Variants in HPS3 observed in about 807,000 individuals in gnomAD.
HPS3 encodes the protein BLOC-2 complex member HPS3.
HPS3 carries 79 observed loss-of-function variants against 110.9 expected under a neutral mutation model. The ratio of observed to expected loss-of-function variants is 0.71; its 90% confidence interval spans 0.59 to 0.86. The LOEUF is 0.86. Among genes scored for constraint, HPS3 ranks in the 40% least tolerant of loss-of-function variants. HPS3 has a pLI of 0.00. For missense variants in HPS3, 1,197 were observed against 1,206.2 expected (o/e 0.99, Z 0.11); for synonymous variants, 428 against 451.0 (o/e 0.95, Z 0.65).
chr3:149,135,737 G>A (rs1318589290), intron 1 of HPS3, among the ~76,000 whole-genome samples: 1 of 152,098 alleles, frequency 6.6e-6, no homozygotes, highest in African/African-American at 2.4e-5. Context: ...AGTGCTGTAT[G>A]GGGACCTTTG....
intron 14 of HPS3, among the ~76,000 whole-genome samples, chr3:149,164,864 A>C (rs1238965688): frequency 2.0e-5 from 3 of 152,146 alleles, no homozygotes; most frequent in African/African-American, 7.2e-5. Context: ...ATGCATCTTC[A>C]TCATTTGATT....
chr3:149,172,273 A>G lies in HPS3; in HGVS notation c.*51A>G. 1.3e-6 allele frequency: 2 copies of G among 1,522,396 alleles called. No homozygotes were observed. The highest frequency in any genetic ancestry group is 2.3e-5 in the South Asian group (2 of 88,190). The allele number at this position is 1,522,396 out of a possible 1,614,324, so 94.3% of individuals were successfully genotyped here. On this transcript the variant is annotated 3_prime_UTR_variant, in exon 17 of 17. Coordinates refer to ENST00000296051, the MANE Select transcript of HPS3 (RefSeq NM_032383.5). ...TGGCATTTGAGACTGAATTTCTAAA[A>G]ATTGAATGCCAAAGTACAAGTAGAG...
chr3:149,137,625 A>T (rs918992628), intron 1 of HPS3, among the ~76,000 whole-genome samples: 1 of 152,252 alleles, frequency 6.6e-6, no homozygotes, highest in Non-Finnish European at 1.5e-5. Context: ...ATGAACATAC[A>T]ATAGAGTATT....
rs760546363 is a variant in HPS3 at position 149,140,446 on chromosome 3, A to G, written c.660A>G (p.Arg220=). The G allele has an allele frequency of 2.5e-6, 4 of 1,613,070 alleles. No individual in the cohort carries two copies. In the Admixed American group the frequency reaches 6.7e-5, roughly 27 times the overall value. Residue 220 remains arginine (R), a synonymous_variant, in exon 2 of 17, where the codon AGA becomes AGG. Coordinates refer to ENST00000296051, the MANE Select transcript of HPS3 (RefSeq NM_032383.5). ...AGTCAGGCCCTAAAAATGGAGAGAG[A>G]GTTCACCACCATCCACATAAGACCA... ...KLESGPKNGE[R]VHHHPHKTNN...
intron 5 of HPS3, among the ~76,000 whole-genome samples, chr3:149,148,464 G>A (rs2681077): frequency 0.21 from 31,233 of 145,872 alleles, 3,557 homozygotes; most frequent in South Asian, 0.3. Context: ...GTGCAGTGGC[G>A]TGATCTCAGC....
chr3:149,161,508 CTTTTT>C (rs1203449055), intron 11 of HPS3, among the ~76,000 whole-genome samples: 2 of 104,304 alleles, frequency 1.9e-5, no homozygotes, highest in Non-Finnish European at 3.8e-5. Context: ...CCCCCACACC[CTTTTT>C]TTTTTTTTTT....
At chr3:149,132,439 G>A (rs1050912346) in intron 1 of HPS3, among the ~76,000 whole-genome samples, 1 of 152,096 alleles carries the variant, frequency 6.6e-6, no homozygotes, top group African/African-American at 2.4e-5. Flanking sequence ...AAAAAGCCTG[G>A]GTGACAGCAC....
At chr3:149,134,304 A>G (rs1224771653) in intron 1 of HPS3, among the ~76,000 whole-genome samples, 1 of 152,190 alleles carries the variant, frequency 6.6e-6, no homozygotes. Context: ...TTAAGGCATA[A>G]GAGTTCTCAC....
Position 149,155,109 on chromosome 3 carries a change from C to T in HPS3, c.1403C>T (p.Ser468Leu), listed in dbSNP as rs371551313. 204 of 1,570,338 alleles carry T rather than the reference C, an allele frequency of 1.3e-4. 3 individuals are homozygous for T. The South Asian group carries it at 1.5e-3, about 12-fold the overall frequency. The part of the protein sequence containing the change: ...ERRQSPKRLL[S>L]RKDTSVKIKI... ...CTTGTCCTTTGTTTTGCTTTTAGTTCGAGAAAAGATACCAGTGTTAAAATC... is the reference window on the plus strand; with the variant it reads ...CTTGTCCTTTGTTTTGCTTTTAGTTTGAGAAAAGATACCAGTGTTAAAATC... Residue 468 changes from serine to leucine, a missense_variant and splice_region_variant, in exon 8 of 17, where the codon TCG (serine) becomes TTG (leucine). Transcript: ENST00000296051.
intron 6 of HPS3, among the ~76,000 whole-genome samples, chr3:149,151,173 G>A (rs917586232): frequency 6.8e-6 from 1 of 146,162 alleles, no homozygotes; most frequent in African/African-American, 2.5e-5. Flanking sequence ...ATGCCCTGCT[G>A]ATTCTTTTTG....
chr3:149,131,392 A>T (rs769942723), intron 1 of HPS3, among the ~76,000 whole-genome samples: 2 of 152,098 alleles, frequency 1.3e-5, no homozygotes, highest in Admixed American at 1.3e-4. Context: ...TTCACACTGC[A>T]TGTGCTCACT....
intron 14 of HPS3, chr3:149,166,046 A>G (rs766707204): frequency 5.5e-5 from 25 of 456,086 alleles, no homozygotes; most frequent in Admixed American, 1.9e-4. Context: ...GAGTCTCAGA[A>G]GATGCTGTAG....
chr3:149,149,120 ATTTTTTTTT>A (rs777091621), intron 5 of HPS3, among the ~76,000 whole-genome samples: 1 of 136,562 alleles, frequency 7.3e-6, no homozygotes, highest in Non-Finnish European at 1.6e-5. Context: ...CGCCCAGCTA[ATTTTTTTTT>A]TTTTTTTGTA....
At chr3:149,138,370 TTAATA>T (rs1359491234) in intron 1 of HPS3, among the ~76,000 whole-genome samples, 2 of 152,218 alleles carry the variant, frequency 1.3e-5, no homozygotes, top group Admixed American at 6.5e-5. Context: ...CTTAATAGTG[TTAATA>T]TAATAGAGTC....
At position 149,160,036 on chromosome 3, in the gene HPS3, C is replaced by G. The variant is rs776575007; in HGVS notation, c.1873-10C>G. On this transcript the variant is annotated splice_polypyrimidine_tract_variant and intron_variant, in intron 10 of 16. Coordinates refer to ENST00000296051, the MANE Select transcript of HPS3 (RefSeq NM_032383.5). Reference sequence around the variant, plus strand: ...CTTTTATTCCTTTTATTCCTTCGTGCTCACCAAAGGAATTAGCAGCAAAAG... The same window carrying G: ...CTTTTATTCCTTTTATTCCTTCGTGGTCACCAAAGGAATTAGCAGCAAAAG... 2 of 1,595,904 alleles carry G rather than the reference C, an allele frequency of 1.3e-6. No individual in the cohort carries two copies. The highest frequency in any genetic ancestry group is 1.7e-6 in the Non-Finnish European group (2 of 1,163,524).
intron 1 of HPS3, among the ~76,000 whole-genome samples, chr3:149,135,772 G>A (rs1205143652): frequency 6.6e-6 from 1 of 151,988 alleles, no homozygotes; most frequent in Non-Finnish European, 1.5e-5. Flanking sequence ...TTTATGGGGT[G>A]TCTAGGGGTG....
chr3:149,150,344 T>C (rs1723021722), intron 5 of HPS3, among the ~76,000 whole-genome samples: 1 of 152,182 alleles, frequency 6.6e-6, no homozygotes, highest in Non-Finnish European at 1.5e-5. Flanking sequence ...TGTAGAAATG[T>C]ACACGTCCAG....
intron 14 of HPS3, chr3:149,165,958 G>T: frequency 2.2e-6 from 1 of 453,792 alleles, no homozygotes; most frequent in South Asian, 1.6e-5. Context: ...TATTCTCCTG[G>T]TCATTCCTTG....
chr3:149,155,761 G>T (rs1723423030), intron 8 of HPS3, among the ~76,000 whole-genome samples: 1 of 152,090 alleles, frequency 6.6e-6, no homozygotes, highest in African/African-American at 2.4e-5. Flanking sequence ...CAGAAAAGTT[G>T]CAAGAATAAG....
Sources: gnomAD v4.1 joint callset for allele counts (sites outside exome capture counted in the v4.1 genomes callset) on GRCh38, gnomAD v4.1.1 for gene constraint, MANE v1.5 for transcripts, NCBI Gene and HGNC (gene_info 2026-07-23, HGNC 2026-07-21) for gene names.